Variants in NRG3 observed in about 807,000 individuals in gnomAD.
The protein encoded by NRG3 is pro-neuregulin-3, membrane-bound isoform.
In NRG3, 31 loss-of-function variants were observed where a neutral mutation model predicts 66.9. The observed-to-expected ratio is 0.46, with a 90% CI of 0.35 to 0.63. The LOEUF (loss-of-function observed/expected upper bound fraction) is 0.63. Ranked by LOEUF, NRG3 falls within the 20% of genes least tolerant of loss-of-function variation. The pLI, the probability that NRG3 is intolerant of heterozygous loss-of-function variation, is 0.00. For missense variants in NRG3, 910 were observed against 878.9 expected, an observed-to-expected ratio of 1.04 and a Z score of -0.45; for synonymous variants, 393 against 359.4, an observed-to-expected ratio of 1.09 and a Z score of -1.06.
chr10:82,108,057 G>A (rs1019270284), intron 1 of NRG3, among the ~76,000 whole-genome samples: 1 of 152,214 alleles, frequency 6.6e-6, no homozygotes, highest in African/African-American at 2.4e-5. Flanking sequence ...CTTCCTGCCT[G>A]AGGTTGGATC....
chr10:82,723,747 A>C (rs2057435830), intron 2 of NRG3, among the ~76,000 whole-genome samples: 1 of 152,152 alleles, frequency 6.6e-6, no homozygotes, highest in African/African-American at 2.4e-5. Flanking sequence ...TGGGAGGCCG[A>C]GGTGGGCAGA....
chr10:82,132,257 T>C (rs1590226062), intron 1 of NRG3, among the ~76,000 whole-genome samples: 1 of 151,318 alleles, frequency 6.6e-6, no homozygotes, highest in East Asian at 1.9e-4. Context: ...GATATTAAAT[T>C]TTAACAAATG....
At chr10:82,706,008 G>A (rs1323468081) in intron 2 of NRG3, among the ~76,000 whole-genome samples, 1 of 152,104 alleles carries the variant, frequency 6.6e-6, no homozygotes, top group Admixed American at 6.6e-5. Context: ...TGTGCTGCCT[G>A]GAGTTCCACA....
rs368388669 is a variant in NRG3, at chr10:82,957,758, G to A, written c.1158-1191G>A. On this transcript the variant is annotated intron_variant, in intron 5 of 8. Transcript: ENST00000372141. Reference sequence around the variant, plus strand: ...ATCTCAAATCAGTTGTGTACCTAACGTTTCCTGTCTTCCTAGTGATAAAAC... The same window carrying A: ...ATCTCAAATCAGTTGTGTACCTAACATTTCCTGTCTTCCTAGTGATAAAAC... Among the ~76,000 whole-genome samples, 14 of 150,032 alleles carry A rather than the reference G, an allele frequency of 9.3e-5. 1 individual carries two copies. The highest frequency in any genetic ancestry group is 2.3e-4 in the African/African-American group (9 of 39,420).
At chr10:82,563,693 AAATCCAGCT>A (rs1324268780) in intron 2 of NRG3, among the ~76,000 whole-genome samples, 4 of 152,078 alleles carry the variant, frequency 2.6e-5, no homozygotes, top group Non-Finnish European at 4.4e-5. Context: ...TGCTATAAAC[AAATCCAGCT>A]AATTAATATA....
chr10:82,097,775 G>GT (rs775251959), intron 1 of NRG3, among the ~76,000 whole-genome samples: 233 of 151,924 alleles, frequency 1.5e-3, no homozygotes, highest in Admixed American at 3.7e-3. Context: ...AGATGTTTTT[G>GT]TTTGTTTTTT....
intron 2 of NRG3, among the ~76,000 whole-genome samples, chr10:82,633,560 A>G (rs1487108363): frequency 6.6e-6 from 1 of 152,174 alleles, no homozygotes; most frequent in Non-Finnish European, 1.5e-5. Flanking sequence ...CCAGATAGAT[A>G]TAATTAGTAT....
intron 1 of NRG3, among the ~76,000 whole-genome samples, chr10:82,345,101 C>T (rs2082925728): frequency 7.5e-6 from 1 of 133,058 alleles, no homozygotes; most frequent in Non-Finnish European, 1.5e-5. Context: ...GCTTTTGTTG[C>T]CATTGCTTTT....
At chr10:82,021,043 T>C (rs2062035335) in intron 1 of NRG3, among the ~76,000 whole-genome samples, 1 of 152,044 alleles carries the variant, frequency 6.6e-6, no homozygotes, top group Admixed American at 6.6e-5. Flanking sequence ...GTGTGGTTCC[T>C]AAGAATATTG....
chr10:82,220,336 G>C (rs2075882209), intron 1 of NRG3, among the ~76,000 whole-genome samples: 1 of 152,096 alleles, frequency 6.6e-6, no homozygotes, highest in Non-Finnish European at 1.5e-5. Flanking sequence ...TCTTAGGAAG[G>C]CCAACTCAAA....
At chr10:82,667,133 G>A (rs945152960) in intron 2 of NRG3, among the ~76,000 whole-genome samples, 3 of 152,162 alleles carry the variant, frequency 2.0e-5, no homozygotes, top group African/African-American at 7.2e-5. Context: ...ACAAAAATGA[G>A]GGACTATAGT....
intron 3 of NRG3, among the ~76,000 whole-genome samples, chr10:82,841,470 A>G (rs962157235): frequency 6.6e-6 from 1 of 152,202 alleles, no homozygotes; most frequent in Non-Finnish European, 1.5e-5. Flanking sequence ...ATCATATCCT[A>G]TATGAAGAGA....
intron 3 of NRG3, among the ~76,000 whole-genome samples, chr10:82,741,434 C>G (rs368783659): frequency 1.3e-5 from 2 of 152,136 alleles, no homozygotes; most frequent in African/African-American, 4.8e-5. Flanking sequence ...AACAGTAATA[C>G]CTATAAGCAT....
intron 2 of NRG3, among the ~76,000 whole-genome samples, chr10:82,633,645 C>A (rs550021300): frequency 6.6e-6 from 1 of 152,230 alleles, no homozygotes; most frequent in South Asian, 2.1e-4. Context: ...TGTCAGCAGG[C>A]TGATGTTTAC....
intron 1 of NRG3, among the ~76,000 whole-genome samples, chr10:82,203,940 T>A (rs2074981788): frequency 1.3e-5 from 2 of 152,008 alleles, no homozygotes; most frequent in South Asian, 4.1e-4. Context: ...TCATTATGAC[T>A]TTTTTTTGGT....
chr10:82,955,514 A>G (rs1480750671), intron 5 of NRG3, among the ~76,000 whole-genome samples: 6 of 151,908 alleles, frequency 3.9e-5, no homozygotes, highest in Admixed American at 3.9e-4. Context: ...AGTTCTTAGC[A>G]GAGCTTGGAA....
chr10:82,877,075 A>T (rs558090121), intron 4 of NRG3, among the ~76,000 whole-genome samples: 6 of 152,266 alleles, frequency 3.9e-5, no homozygotes. Context: ...CAGAGAAGTT[A>T]AAAAATTGTT....
chr10:82,794,976 C>A (rs527550952), intron 3 of NRG3, among the ~76,000 whole-genome samples: 2 of 152,292 alleles, frequency 1.3e-5, no homozygotes, highest in African/African-American at 4.8e-5. Context: ...TCAGTCAAAT[C>A]ATCATGTGGA....
chr10:82,933,506 A>G (rs1023046833), intron 4 of NRG3, among the ~76,000 whole-genome samples: 9 of 152,146 alleles, frequency 5.9e-5, no homozygotes, highest in Non-Finnish European at 1.0e-4. Flanking sequence ...ATTAACACCT[A>G]CCACACTATT....
Sources: gnomAD v4.1 joint callset for allele counts (sites outside exome capture counted in the v4.1 genomes callset) on GRCh38, gnomAD v4.1.1 for gene constraint, MANE v1.5 for transcripts, NCBI Gene and HGNC (gene_info 2026-07-23, HGNC 2026-07-21) for gene names.